The following ADGB variants were observed in gnomAD, a reference collection of about 807,000 sequenced individuals.
ADGB encodes androglobin.
ADGB carries 172 observed loss-of-function variants against 210.5 expected under a neutral mutation model. The ratio of observed to expected loss-of-function variants is 0.82; its 90% CI spans 0.72 to 0.93. The LOEUF is 0.93. ADGB is among the 40% of genes least tolerant of loss of function. ADGB has a pLI of 0.00. For synonymous variants in ADGB, 658 were observed against 662.7 expected, an observed-to-expected ratio of 0.99 and a Z score of 0.11; for missense variants, 2,025 against 1,964.8, an observed-to-expected ratio of 1.03 and a Z score of -0.58.
intron 9 of ADGB, among the ~76,000 whole-genome samples, chr6:146,677,185 A>G (rs1776097034): frequency 6.6e-6 from 1 of 152,148 alleles, no homozygotes; most frequent in South Asian, 2.1e-4. Flanking sequence ...AAATTGTATC[A>G]GGTTGAAAGA....
At position 146,660,833 on chromosome 6, in the gene ADGB, T is replaced by C. The variant is rs147011076; in HGVS notation, c.613-3368T>C. On this transcript the variant is annotated intron_variant, in intron 5 of 35. Transcript: ENST00000397944. ...TAAGTATATTCAAGTTACTCTTGTA[T>C]TTTAATTTGTCTGTATAGAACATTT... 3.9e-5 allele frequency among the ~76,000 whole-genome samples: 6 copies of C among 152,316 alleles called. No individual in the cohort carries two copies. In the East Asian group the frequency reaches 1.2e-3, roughly 29 times the overall value.
At chr6:146,603,852 T>G (rs1780595037) in intron 1 of ADGB, among the ~76,000 whole-genome samples, 1 of 152,226 alleles carries the variant, frequency 6.6e-6, no homozygotes, top group South Asian at 2.1e-4. Flanking sequence ...GAATTCTTTC[T>G]TGGTTGTCTG....
intron 13 of ADGB, among the ~76,000 whole-genome samples, chr6:146,710,030 A>T (rs886296586): frequency 6.6e-6 from 1 of 151,806 alleles, no homozygotes; most frequent in Non-Finnish European, 1.5e-5. Context: ...TTGTATAAAC[A>T]ATTTTTTTAT....
intron 5 of ADGB, among the ~76,000 whole-genome samples, chr6:146,662,839 A>G (rs1481864090): frequency 6.6e-6 from 1 of 150,920 alleles, no homozygotes; most frequent in Non-Finnish European, 1.5e-5. Flanking sequence ...TAGTTTATAA[A>G]GCCTCTGATG....
At chr6:146,785,129 A>G (rs138995041) in intron 31 of ADGB, among the ~76,000 whole-genome samples, 35 of 152,146 alleles carry the variant, frequency 2.3e-4, no homozygotes, top group Non-Finnish European at 4.3e-4. Context: ...AATGTTTAAT[A>G]TGTGCTTTAC....
intron 33 of ADGB, among the ~76,000 whole-genome samples, chr6:146,794,428 CA>C (rs767769901): frequency 5.3e-5 from 8 of 151,942 alleles, no homozygotes; most frequent in African/African-American, 9.7e-5. Context: ...TGTTTCCTCA[CA>C]AGTTTATCAT....
chr6:146,770,618 A>G, intron 29 of ADGB: 2 of 468,412 alleles, frequency 4.3e-6, no homozygotes, highest in Non-Finnish European at 8.9e-6. Flanking sequence ...AGGTATGTGT[A>G]AATCCTAATG....
intron 20 of ADGB, among the ~76,000 whole-genome samples, chr6:146,731,978 A>G (rs1776994620): frequency 6.6e-6 from 1 of 152,144 alleles, no homozygotes. Flanking sequence ...ATGCAGATAC[A>G]GCACCAGATA....
chr6:146,622,473 T>C (rs892194349), intron 1 of ADGB, among the ~76,000 whole-genome samples: 5 of 152,154 alleles, frequency 3.3e-5, no homozygotes, highest in African/African-American at 1.2e-4. Flanking sequence ...GCCAACAATG[T>C]AATGCCATAT....
At chr6:146,601,309 A>T (rs915858090) in intron 1 of ADGB, among the ~76,000 whole-genome samples, 1 of 152,242 alleles carries the variant, frequency 6.6e-6, no homozygotes, top group Non-Finnish European at 1.5e-5. Context: ...GCATACATTT[A>T]TGAAAATAGA....
rs1002621645 is a variant in ADGB, at chr6:146,733,199, G to A, written c.2600G>A (p.Arg867Gln). The change falls in exon 21 of 36, where the codon CGG (arginine) becomes CAG (glutamine). Residue 867 changes from arginine (R) to glutamine (Q), a missense_variant. Coordinates refer to ENST00000397944, the MANE Select transcript of ADGB (RefSeq NM_024694.4). ...KPPPNFKFAF[R>Q]AMVLDLELLN... ...CCTCCAAACTTCAAATTTGCATTCCGGGCTATGGTTTTGGACTTGGAGTTA... is the reference window on the plus strand; with the variant it reads ...CCTCCAAACTTCAAATTTGCATTCCAGGCTATGGTTTTGGACTTGGAGTTA... The A allele has an allele frequency of 2.6e-5, 40 of 1,541,536 alleles. No homozygotes were observed. Among genetic ancestry groups the A allele is most frequent in the African/African-American group, 2.1e-4 (15 of 72,768 alleles).
chr6:146,733,477 A>G (rs1013080516), intron 21 of ADGB, among the ~76,000 whole-genome samples: 1 of 152,048 alleles, frequency 6.6e-6, no homozygotes, highest in African/African-American at 2.4e-5. Flanking sequence ...ACAGGGGAGA[A>G]TTTCCCTGTT....
chr6:146,721,287 T>G, intron 16 of ADGB, 116 bp from the exon 17 acceptor site: 1 of 676,440 alleles, frequency 1.5e-6, no homozygotes, highest in South Asian at 1.8e-5. Context: ...TTGTGGTGCC[T>G]ACAACACAGT....
chr6:146,807,091 A>C (rs1221806086), intron 35 of ADGB, among the ~76,000 whole-genome samples: 1 of 152,252 alleles, frequency 6.6e-6, no homozygotes, highest in Non-Finnish European at 1.5e-5. Flanking sequence ...CATTGGGCTT[A>C]TTAATATCTC....
chr6:146,608,934 T>A, intron 1 of ADGB, among the ~76,000 whole-genome samples: 1 of 152,222 alleles, frequency 6.6e-6, no homozygotes. Context: ...TTAAATTTTC[T>A]GCTTTGATGA....
intron 1 of ADGB, among the ~76,000 whole-genome samples, chr6:146,616,294 T>C (rs975380945): frequency 3.3e-5 from 5 of 151,460 alleles, no homozygotes; most frequent in African/African-American, 1.2e-4. Context: ...TATTGAGTTG[T>C]TTAAGTTTTC....
chr6:146,625,073 G>A (rs1780953075), intron 1 of ADGB, among the ~76,000 whole-genome samples: 1 of 151,940 alleles, frequency 6.6e-6, no homozygotes, highest in Admixed American at 6.6e-5. Flanking sequence ...ATGTTAATTA[G>A]GTCAATTTTG....
chr6:146,664,394 A>G lies in ADGB; in HGVS notation c.752+54A>G, dbSNP rs1325629693. 2.0e-6 allele frequency: 3 copies of G among 1,487,572 alleles called. No individual in the cohort carries two copies. The South Asian group carries it at 3.9e-5, about 19-fold the overall frequency. The allele number at this position is 1,487,572 out of a possible 1,614,324, so 92.1% of individuals were successfully genotyped here. A position where few individuals can be genotyped will look rare whatever the true frequency, so the allele number is the denominator to read the frequency against. On this transcript the variant is annotated intron_variant, in intron 6 of 35. Coordinates refer to ENST00000397944, the MANE Select transcript of ADGB (RefSeq NM_024694.4). ...ATAAAAAAAGCAAACAAAAACATTAACTATACATTTGTATTGCATAATTTA... is the reference window on the plus strand; with the variant it reads ...ATAAAAAAAGCAAACAAAAACATTAGCTATACATTTGTATTGCATAATTTA...
intron 29 of ADGB, among the ~76,000 whole-genome samples, chr6:146,773,063 G>T (rs143668568): frequency 2.0e-5 from 3 of 152,170 alleles, no homozygotes; most frequent in African/African-American, 7.2e-5. Flanking sequence ...AACAAGGAGA[G>T]TATCTGCACA....
Sources: allele counts gnomAD v4.1 joint callset (sites outside exome capture counted in the v4.1 genomes callset), GRCh38; gene constraint gnomAD v4.1.1; transcripts MANE v1.5; gene names NCBI Gene and HGNC (gene_info 2026-07-23, HGNC 2026-07-21).